The following EMID1 variants were observed in gnomAD, a reference collection of about 807,000 sequenced individuals.
EMID1 encodes the protein EMI domain containing 1.
A neutral mutation model predicts 60.6 loss-of-function variants in EMID1; 40 were observed. The ratio of observed to expected loss-of-function variants is 0.66; its 90% CI spans 0.51 to 0.86. The LOEUF (loss-of-function observed/expected upper bound fraction) is 0.86. Among genes scored for constraint, EMID1 ranks in the 40% least tolerant of loss-of-function variants. The pLI is 0.00. For missense variants in EMID1, 585 were observed against 597.1 expected (o/e 0.98, Z 0.21); for synonymous variants, 242 against 231.0 (o/e 1.05, Z -0.43).
At chr22:29,210,276 G>A (rs560593915) in intron 1 of EMID1, among the ~76,000 whole-genome samples, 39 of 149,196 alleles carry the variant, frequency 2.6e-4, no homozygotes, top group Admixed American at 6.7e-4. Context: ...TTTTTGAGAC[G>A]GAGTTTTGCT....
At chr22:29,233,061 A>G (rs894814738) in intron 8 of EMID1, 2 of 378,700 alleles carry the variant, frequency 5.3e-6, no homozygotes, top group Non-Finnish European at 9.8e-6. Flanking sequence ...CCTGGCACAC[A>G]GTAGGTGGTG....
intron 13 of EMID1, among the ~76,000 whole-genome samples, chr22:29,249,916 C>A (rs1008987695): frequency 6.6e-6 from 1 of 152,056 alleles, no homozygotes; most frequent in African/African-American, 2.4e-5. Context: ...CGCCTGGCCC[C>A]CAAAATGCCT....
intron 3 of EMID1, among the ~76,000 whole-genome samples, chr22:29,223,298 A>G (rs1404797957): frequency 6.6e-6 from 1 of 152,190 alleles, no homozygotes; most frequent in Admixed American, 6.5e-5. Context: ...AAAAAAGAAA[A>G]CAACAGCAGA....
chr22:29,233,519 G>A (rs1346574296), intron 9 of EMID1, 51 bp downstream of exon 9: 2 of 1,608,676 alleles, frequency 1.2e-6, no homozygotes, highest in Non-Finnish European at 1.7e-6. Context: ...AGATGGCAGA[G>A]GGAATAGGGT....
chr22:29,227,433 A>G (rs1293633282), intron 5 of EMID1, among the ~76,000 whole-genome samples: 1 of 151,414 alleles, frequency 6.6e-6, no homozygotes, highest in African/African-American at 2.4e-5. Context: ...TGCTTGGCGC[A>G]GCGGCTCACA....
intron 8 of EMID1, 68 bp downstream of exon 8, chr22:29,232,470 C>A: frequency 6.9e-7 from 1 of 1,444,590 alleles, no homozygotes; most frequent in Non-Finnish European, 9.2e-7. Flanking sequence ...GTGCCCGCTA[C>A]CATCTGCCAC....
chr22:29,219,711 G>T (rs1568974327), intron 3 of EMID1, among the ~76,000 whole-genome samples: 1 of 152,192 alleles, frequency 6.6e-6, no homozygotes. Flanking sequence ...GAGCCCAGGA[G>T]TTCAAGTCTG....
At chr22:29,239,160 T>C (rs185341507) in intron 12 of EMID1, among the ~76,000 whole-genome samples, 1 of 145,102 alleles carries the variant, frequency 6.9e-6, no homozygotes, top group South Asian at 2.2e-4. Context: ...ATCATCAGGC[T>C]TAGAGATTCT....
Position 29,215,633 on chromosome 22 carries a change from A to G in EMID1, c.319+3A>G. The G allele has an allele frequency of 1.2e-6, 2 of 1,613,490 alleles. No individual in the cohort carries two copies. The highest frequency in any genetic ancestry group is 1.7e-6 in the Non-Finnish European group (2 of 1,179,524). On this transcript the variant is annotated splice_donor_region_variant and intron_variant, in intron 3 of 14. Coordinates refer to ENST00000334018, the MANE Select transcript of EMID1 (RefSeq NM_133455.4). ...CTCAGGAGTGAGCTGCGAGGAAGGT[A>G]GGACTGCCCGGCCGGCTCCCGGAGC...
At chr22:29,245,079 C>T (rs926832552) in intron 13 of EMID1, among the ~76,000 whole-genome samples, 3 of 152,092 alleles carry the variant, frequency 2.0e-5, no homozygotes, top group South Asian at 2.1e-4. Context: ...CTACCCTGCA[C>T]GAGTCTTCCC....
At chr22:29,219,872 C>T (rs2040228278) in intron 3 of EMID1, among the ~76,000 whole-genome samples, 2 of 152,056 alleles carry the variant, frequency 1.3e-5, no homozygotes, top group African/African-American at 4.8e-5. Context: ...CCATCCAGGG[C>T]TGGGCGCTCT....
At chr22:29,258,286 C>T (rs956878711) in intron 14 of EMID1, among the ~76,000 whole-genome samples, 2 of 152,166 alleles carry the variant, frequency 1.3e-5, no homozygotes, top group East Asian at 1.9e-4. Flanking sequence ...TTTCTGGTTC[C>T]ATCCGGAACT....
rs201708012 is a variant in EMID1 at position 29,254,189 on chromosome 22, T to C, written c.1120-14T>C. The C allele has an allele frequency of 7.0e-4, 1,136 of 1,613,830 alleles. No homozygotes were observed. Among genetic ancestry groups the C allele is most frequent in the Non-Finnish European group, 9.1e-4 (1,073 of 1,179,794 alleles). ...TGCCCCCTTCACGGCTGCATCTGTC[T>C]CTTTCCTCCACAGGGGGAGGGGTTG... On this transcript the variant is annotated splice_polypyrimidine_tract_variant and intron_variant, in intron 13 of 14. Transcript: ENST00000334018.
intron 3 of EMID1, among the ~76,000 whole-genome samples, chr22:29,224,486 G>T (rs2040424534): frequency 6.6e-6 from 1 of 152,192 alleles, no homozygotes; most frequent in African/African-American, 2.4e-5. Context: ...CTCCGGTAGG[G>T]GTGGCAGCAG....
chr22:29,258,833 T>G lies in EMID1; in HGVS notation c.1221T>G (p.Ser407=). The G allele has an allele frequency of 6.2e-7, 1 of 1,613,132 alleles. No homozygotes were observed. The highest frequency in any genetic ancestry group is 1.1e-5 in the South Asian group (1 of 91,058). Residue 407 remains serine, a synonymous_variant, in exon 15 of 15, where the codon TCT becomes TCG. Transcript: ENST00000334018. ...CTCCGGCAGAACCAGAGCTGGGGTC[T>G]GGGGCGGGCCCTGCCGGCACAGGCA... ...MIGLYEPELG[S]GAGPAGTGTP...
intron 5 of EMID1, among the ~76,000 whole-genome samples, chr22:29,227,113 C>G (rs1019129322): frequency 6.6e-6 from 1 of 152,052 alleles, no homozygotes; most frequent in African/African-American, 2.4e-5. Flanking sequence ...TTGTTTGAAA[C>G]AGGGTCTTCC....
Position 29,225,898 on chromosome 22 carries a change from C to T in EMID1, c.404-592C>T, listed in dbSNP as rs1480406615. On this transcript the variant is annotated intron_variant, in intron 4 of 14. Transcript: ENST00000334018. ...GTCATTCTCGTGAGTCTCAGCCAGG[C>T]GGCCGGGGGAGCGGTGCTGGATGGT... Among the ~76,000 whole-genome samples, 5 of 152,296 alleles carry T rather than the reference C, an allele frequency of 3.3e-5. No individual in the cohort carries two copies. The South Asian group carries it at 6.2e-4, about 19-fold the overall frequency.
intron 3 of EMID1, among the ~76,000 whole-genome samples, chr22:29,220,768 G>A (rs534098922): frequency 6.6e-6 from 1 of 152,210 alleles, no homozygotes; most frequent in Admixed American, 6.5e-5. Flanking sequence ...TCTCCTCTCT[G>A]GACCTCAGTG....
At chr22:29,224,575 A>G (rs132389) in intron 3 of EMID1, among the ~76,000 whole-genome samples, 143,643 of 152,312 alleles carry the variant, frequency 0.94, 67,804 homozygotes, top group East Asian at 1. Context: ...ACCAGGGCTG[A>G]ATCCACTTCA....
Sources: gnomAD v4.1 joint callset for allele counts (sites outside exome capture counted in the v4.1 genomes callset) on GRCh38, gnomAD v4.1.1 for gene constraint, MANE v1.5 for transcripts, NCBI Gene and HGNC (gene_info 2026-07-23, HGNC 2026-07-21) for gene names.